Variants in ITSN2 observed in about 807,000 individuals in gnomAD.
ITSN2 encodes intersectin-2.
In ITSN2, 156 loss-of-function variants were observed where a neutral mutation model predicts 243.7. That is an observed-to-expected ratio of 0.64 (90% CI 0.56 to 0.73). The LOEUF is 0.73. Among genes scored for constraint, ITSN2 ranks in the 30% least tolerant of loss-of-function variants. The pLI, the probability that ITSN2 is intolerant of heterozygous loss-of-function variation, is 0.00. For synonymous variants in ITSN2, 703 were observed against 699.9 expected, an observed-to-expected ratio of 1.00 and a Z score of -0.07; for missense variants, 1,801 against 1,996.1, an observed-to-expected ratio of 0.90 and a Z score of 1.86.
chr2:24,308,650 T>C lies in ITSN2; in HGVS notation c.760A>G (p.Thr254Ala), dbSNP rs6744320. ...TRLKYRQKFN[T>A]LDKSMSGYLS... is the part of the protein sequence containing the mutation. ...TATCCACTCATACTTTTGTCAAGAG[T>C]ATTAAATTTTTGCCGATATTTTAAT... The change falls in exon 8 of 40, where the codon ACT becomes GCT. Residue 254 changes from threonine to alanine, a missense_variant. By Grantham distance (58) the Thr-to-Ala change is moderately conservative (BLOSUM62 0). This residue lies in a region of ITSN2 where 787 missense variants were observed against 803.9 expected (regional missense o/e 0.98). Coordinates refer to ENST00000355123, the MANE Select transcript of ITSN2 (RefSeq NM_006277.3). The C allele has an allele frequency of 1.1e-3, 1,689 of 1,535,362 alleles. 17 individuals are homozygous for C. In the African/African-American group the frequency reaches 0.022, roughly 20 times the overall value.
In ITSN2 at chr2:24,204,081, C is replaced by T; in HGVS notation, c.4936+164G>A. ...GAAACACATCTCAGGCCACCTCCTC[C>T]CCTGAGGAAGGCCACCCACCTGCTG... is the stretch of plus-strand genomic sequence containing the variant. On this transcript the variant is annotated intron_variant, in intron 39 of 39. Coordinates refer to ENST00000355123, the MANE Select transcript of ITSN2 (RefSeq NM_006277.3). This position sits in a 1 kb window ranked among gnomAD's most constrained non-coding sequence, Gnocchi z 5.1. 1.4e-6 allele frequency: 1 copy of T among 704,734 alleles called. No individual in the cohort carries two copies. The highest frequency in any genetic ancestry group is 1.9e-5 in the South Asian group (1 of 53,930). 43.7% of individuals were successfully genotyped at this position (704,734 alleles called of 1,614,324 possible).
chr2:24,245,494 CTT>C (rs1673247690), intron 29 of ITSN2, among the ~76,000 whole-genome samples: 1 of 141,766 alleles, frequency 7.1e-6, no homozygotes, highest in South Asian at 2.2e-4. Context: ...TTTTTTTTCT[CTT>C]GAGACAGGGT....
At chr2:24,209,248 G>C (rs1156660646) in intron 35 of ITSN2, 27 bp from the exon 36 acceptor site, 1 of 1,612,696 alleles carries the variant, frequency 6.2e-7, no homozygotes, top group Non-Finnish European at 8.5e-7. Flanking sequence ...CAAAACACAG[G>C]CTGTGAGATG....
intron 17 of ITSN2, among the ~76,000 whole-genome samples, chr2:24,276,861 C>A (rs1037329810): frequency 6.6e-6 from 1 of 152,178 alleles, no homozygotes; most frequent in Non-Finnish European, 1.5e-5. Context: ...AACCTTTCTG[C>A]AGCTCATTAA....
intron 20 of ITSN2, among the ~76,000 whole-genome samples, chr2:24,264,341 T>C (rs139996718): frequency 1.2e-3 from 183 of 150,588 alleles, no homozygotes; most frequent in African/African-American, 4.2e-3. Context: ...TGAGCCAAGA[T>C]CACGCCATTG....
At chr2:24,324,047 G>C (rs778304262) in intron 2 of ITSN2, among the ~76,000 whole-genome samples, 1 of 151,970 alleles carries the variant, frequency 6.6e-6, no homozygotes, top group Non-Finnish European at 1.5e-5. Context: ...CCTGGCTAAC[G>C]TGGTGAAACC....
intron 25 of ITSN2, among the ~76,000 whole-genome samples, chr2:24,250,245 T>G (rs1016710871): frequency 6.6e-6 from 1 of 152,260 alleles, no homozygotes; most frequent in African/African-American, 2.4e-5. Context: ...AACAACATTT[T>G]TACTTCAAAG....
intron 17 of ITSN2, among the ~76,000 whole-genome samples, chr2:24,284,008 C>G (rs1679153636): frequency 6.6e-6 from 1 of 152,186 alleles, no homozygotes; most frequent in African/African-American, 2.4e-5. Context: ...ATGAACTCTA[C>G]TTATCATGTT....
intron 21 of ITSN2, 79 bp downstream of exon 21, chr2:24,261,482 A>G: frequency 2.6e-6 from 3 of 1,151,160 alleles, no homozygotes; most frequent in Non-Finnish European, 3.8e-6. Flanking sequence ...ATGATGAAGT[A>G]GTAGGCTGAC....
At chr2:24,234,630 A>T (rs1007624128) in intron 29 of ITSN2, among the ~76,000 whole-genome samples, 2 of 152,268 alleles carry the variant, frequency 1.3e-5, no homozygotes, top group African/African-American at 2.4e-5. Flanking sequence ...AAATATGGAA[A>T]GGACTCTTTT....
chr2:24,318,696 C>T (rs1558620410), intron 2 of ITSN2, among the ~76,000 whole-genome samples: 1 of 152,158 alleles, frequency 6.6e-6, no homozygotes, highest in Non-Finnish European at 1.5e-5. Context: ...CTGACCACTC[C>T]TGGACATGAT....
In ITSN2 at chr2:24,265,377, A is replaced by G. The variant is rs1319075635; in HGVS notation, c.2356-3635T>C. ...TTATGCAATTGTAAATGGTATTTTA[A>G]ATTTCAATTTCTGAATAGTCATCGT... On this transcript the variant is annotated intron_variant, in intron 20 of 39. Transcript: ENST00000355123. 2.6e-5 allele frequency among the ~76,000 whole-genome samples: 4 copies of G among 152,320 alleles called. 1 individual carries two copies. The South Asian group carries it at 8.3e-4, about 32-fold the overall frequency.
Position 24,203,595 on chromosome 2 carries a change from G to A in ITSN2, c.*31C>T, listed in dbSNP as rs1558414763. The A allele has an allele frequency of 1.3e-6, 2 of 1,599,710 alleles. No individual in the cohort carries two copies. The highest frequency in any genetic ancestry group is 1.7e-5 in the Admixed American group (1 of 58,248). On this transcript the variant is annotated 3_prime_UTR_variant, in exon 40 of 40. Transcript: ENST00000355123. ...TCATTCTCCAGCCCCAGCCTTGTGG[G>A]CTGTCCCGCTGGTGCTGTCCTTTAG...
intron 2 of ITSN2, among the ~76,000 whole-genome samples, chr2:24,318,427 G>A (rs995309240): frequency 3.9e-5 from 6 of 152,066 alleles, no homozygotes; most frequent in Admixed American, 3.9e-4. Flanking sequence ...CATGTTTTTG[G>A]TTTTCTGGAC....
chr2:24,262,206 T>C (rs1429028114), intron 20 of ITSN2, among the ~76,000 whole-genome samples: 2 of 152,220 alleles, frequency 1.3e-5, no homozygotes, highest in Non-Finnish European at 2.9e-5. Flanking sequence ...CCTCTTACTC[T>C]ACCAATACTG....
intron 15 of ITSN2, among the ~76,000 whole-genome samples, chr2:24,287,763 T>C (rs948142196): frequency 3.9e-5 from 6 of 152,148 alleles, no homozygotes; most frequent in African/African-American, 1.4e-4. Flanking sequence ...TATATTTCAA[T>C]GTGGTTTAGA....
At chr2:24,355,922 G>C (rs1042378333) in intron 1 of ITSN2, among the ~76,000 whole-genome samples, 3 of 152,168 alleles carry the variant, frequency 2.0e-5, no homozygotes, top group African/African-American at 4.8e-5. Flanking sequence ...TTACAAAAAG[G>C]CCAGGCATAG....
chr2:24,310,906 C>G (rs1683185058), intron 5 of ITSN2, among the ~76,000 whole-genome samples: 2 of 152,120 alleles, frequency 1.3e-5, no homozygotes, highest in Admixed American at 6.5e-5. Context: ...TAAGAAAACA[C>G]CTAGCAAAGA....
At chr2:24,318,019 T>C (rs1166242068) in intron 2 of ITSN2, among the ~76,000 whole-genome samples, 1 of 152,228 alleles carries the variant, frequency 6.6e-6, no homozygotes, top group African/African-American at 2.4e-5. Flanking sequence ...ACATTTCTCC[T>C]ATACCTTCCA....
Sources: gnomAD v4.1 joint callset for allele counts (sites outside exome capture counted in the v4.1 genomes callset) on GRCh38, gnomAD v4.1.1 for gene constraint, gnomAD v4.1.1 regional missense constraint, Gnocchi (gnomAD v3.1) non-coding constraint, MANE v1.5 for transcripts, NCBI Gene and HGNC (gene_info 2026-07-23, HGNC 2026-07-21) for gene names.